The following DIAPH2 variants were observed in gnomAD, a reference collection of about 807,000 sequenced individuals.
The protein encoded by DIAPH2 is diaphanous related formin 2.
A neutral mutation model predicts 92.7 loss-of-function variants in DIAPH2; 35 were observed. The observed-to-expected ratio is 0.38, with a 90% confidence interval of 0.29 to 0.50. The LOEUF is 0.50. DIAPH2 is among the 20% of genes least tolerant of loss of function. The probability of loss-of-function intolerance (pLI) is 0.94; values close to 1 mark genes in which losing one functional copy is unlikely to be tolerated. For synonymous variants in DIAPH2, 301 were observed against 280.4 expected (o/e 1.07, Z -0.73); for missense variants, 701 against 819.5 (o/e 0.86, Z 1.77).
chrX:97,152,698 G>C (rs1290850635), intron 22 of DIAPH2, among the ~76,000 whole-genome samples: 2 of 112,106 alleles, frequency 1.8e-5, no homozygotes, highest in African/African-American at 3.2e-5. Context: ...ATCCACTCCT[G>C]TGATAACCAT....
intron 4 of DIAPH2, among the ~76,000 whole-genome samples, chrX:96,845,953 GTATTTTTTATT>G (rs2064968391): frequency 9.1e-6 from 1 of 109,397 alleles, no homozygotes; most frequent in African/African-American, 3.3e-5. Flanking sequence ...GTTAATTTTT[GTATTTTTTATT>G]TATTTTTTAT....
intron 26 of DIAPH2, among the ~76,000 whole-genome samples, chrX:97,523,136 C>T (rs181514027): frequency 5.1e-3 from 573 of 111,689 alleles, no homozygotes; most frequent in Non-Finnish European, 7.2e-3. Context: ...CCTTTTCTTA[C>T]GAGACTTTTG....
chrX:97,530,210 T>C (rs2097741504), intron 26 of DIAPH2, among the ~76,000 whole-genome samples: 1 of 111,887 alleles, frequency 8.9e-6, no homozygotes, highest in Middle Eastern at 4.6e-3. Context: ...TCAGTAGTTT[T>C]AACCTCCAGG....
At chrX:96,919,642 T>C (rs1419586869) in intron 9 of DIAPH2, among the ~76,000 whole-genome samples, 1 of 111,711 alleles carries the variant, frequency 9.0e-6, no homozygotes, top group Non-Finnish European at 1.9e-5. Flanking sequence ...GAAGTATTTT[T>C]TGTATTATGT....
chrX:97,405,781 A>G (rs1240399932), intron 25 of DIAPH2, among the ~76,000 whole-genome samples: 1 of 111,596 alleles, frequency 9.0e-6, no homozygotes, highest in African/African-American at 3.3e-5. Context: ...CTACAAAATG[A>G]CAATGTAATA....
intron 22 of DIAPH2, among the ~76,000 whole-genome samples, chrX:97,207,881 C>T (rs144330676): frequency 1.3e-3 from 148 of 111,629 alleles, no homozygotes; most frequent in African/African-American, 4.6e-3. Flanking sequence ...GGGCCAGGTG[C>T]AGCAGCTCGC....
At chrX:96,795,387 T>C (rs1451695972) in intron 4 of DIAPH2, among the ~76,000 whole-genome samples, 2 of 111,225 alleles carry the variant, frequency 1.8e-5, no homozygotes, top group African/African-American at 6.5e-5. Flanking sequence ...TCCAGGTTAA[T>C]GTTCCAGTTA....
intron 22 of DIAPH2, among the ~76,000 whole-genome samples, chrX:97,219,142 C>T (rs990023339): frequency 4.5e-5 from 5 of 112,205 alleles, no homozygotes; most frequent in Admixed American, 1.9e-4. Flanking sequence ...GCATAGGCTA[C>T]GTTGTGGATG....
In DIAPH2 at chrX:96,870,362, C is replaced by T. The variant is rs1369279667; in HGVS notation, c.448-11217C>T. Among the ~76,000 whole-genome samples, 4 of 109,692 alleles carry T rather than the reference C, an allele frequency of 3.6e-5. No individual in the cohort carries two copies. The East Asian group carries it at 1.1e-3, about 31-fold the overall frequency. ...CTGCAAGCTCCACCTCCGGGGTTCA[C>T]GCCATTCTCCTGCCTCAGCCTCCCG... On this transcript the variant is annotated intron_variant, in intron 4 of 26. Transcript: ENST00000324765.
At position 97,109,053 on chromosome X, in the gene DIAPH2, T is replaced by A. The variant is rs183076589; in HGVS notation, c.2350-5673T>A. ...TAAGTTCTAATGCATCGTGTATAGA[T>A]GATTTAATGAATACATTTTCATGAT... On this transcript the variant is annotated intron_variant, in intron 20 of 26. Transcript: ENST00000324765. Among the ~76,000 whole-genome samples the A allele has an allele frequency of 3.5e-3, 388 of 111,635 alleles. 2 individuals carry two copies. The highest frequency in any genetic ancestry group is 0.012 in the African/African-American group (379 of 30,710).
intron 19 of DIAPH2, among the ~76,000 whole-genome samples, chrX:97,076,243 C>T (rs183736413): frequency 9.0e-6 from 1 of 111,620 alleles, no homozygotes; most frequent in East Asian, 2.8e-4. Flanking sequence ...TAGAAAACAT[C>T]AAATAGGGCC....
At chrX:96,931,515 A>C (rs1158645425) in intron 10 of DIAPH2, among the ~76,000 whole-genome samples, 2 of 111,028 alleles carry the variant, frequency 1.8e-5, no homozygotes, top group Non-Finnish European at 3.8e-5. Context: ...TGTTCAAGAC[A>C]AGTAAAATTC....
At chrX:96,789,944 T>C (rs2064487363) in intron 4 of DIAPH2, among the ~76,000 whole-genome samples, 1 of 111,474 alleles carries the variant, frequency 9.0e-6, no homozygotes, top group Admixed American at 9.6e-5. Flanking sequence ...TGGGCTGGGG[T>C]ATTCATAGTG....
intron 21 of DIAPH2, among the ~76,000 whole-genome samples, chrX:97,133,269 CTG>C (rs917484233): frequency 9.0e-6 from 1 of 111,574 alleles, no homozygotes; most frequent in African/African-American, 3.3e-5. Flanking sequence ...AGAGAACTAA[CTG>C]TTTTGTTTTT....
chrX:96,864,599 G>A (rs186467333), intron 4 of DIAPH2, among the ~76,000 whole-genome samples: 138 of 111,998 alleles, frequency 1.2e-3, no homozygotes, highest in African/African-American at 4.2e-3. Flanking sequence ...AATGTCTTGT[G>A]TGTGTGTGCT....
chrX:97,204,896 G>A (rs1015001127), intron 22 of DIAPH2, among the ~76,000 whole-genome samples: 5 of 111,520 alleles, frequency 4.5e-5, no homozygotes, highest in Non-Finnish European at 9.4e-5. Flanking sequence ...CAAAGCTGGA[G>A]GCATCACACT....
At chrX:96,831,337 A>C (rs1288748640) in intron 4 of DIAPH2, among the ~76,000 whole-genome samples, 1 of 111,977 alleles carries the variant, frequency 8.9e-6, no homozygotes, top group Non-Finnish European at 1.9e-5. Flanking sequence ...TTTACGTATT[A>C]TCTGTTTCTC....
At chrX:97,438,898 C>T (rs1412595211) in intron 26 of DIAPH2, among the ~76,000 whole-genome samples, 3 of 111,970 alleles carry the variant, frequency 2.7e-5, no homozygotes, top group Admixed American at 9.5e-5. Context: ...ATGCCCCCTG[C>T]TTAATTCAGT....
chrX:96,914,407 A>G (rs1014485810), intron 7 of DIAPH2, among the ~76,000 whole-genome samples: 3 of 111,577 alleles, frequency 2.7e-5, no homozygotes, highest in Non-Finnish European at 5.7e-5. Context: ...AAACAATGAC[A>G]TAATGGAAAG....
Sources: allele counts gnomAD v4.1 joint callset (sites outside exome capture counted in the v4.1 genomes callset), GRCh38; gene constraint gnomAD v4.1.1; transcripts MANE v1.5; gene names NCBI Gene and HGNC (gene_info 2026-07-23, HGNC 2026-07-21).